The following SLC26A4 variants were observed in gnomAD, a reference collection of about 807,000 sequenced individuals.
The protein encoded by SLC26A4 is pendrin.
Under a neutral mutation model 90.4 loss-of-function variants are expected in SLC26A4, and 93 were observed. The ratio of observed to expected loss-of-function variants is 1.03; its 90% CI spans 0.87 to 1.22. The LOEUF is 1.22. Among genes scored for constraint, SLC26A4 ranks in the 50% most tolerant of loss-of-function variants. The pLI, the probability that SLC26A4 is intolerant of heterozygous loss-of-function variation, is 0.00. For synonymous variants in SLC26A4, 393 were observed against 354.6 expected (o/e 1.11, Z -1.22); for missense variants, 1,127 against 946.2 (o/e 1.19, Z -2.51).
intron 4 of SLC26A4, among the ~76,000 whole-genome samples, chr7:107,673,920 G>A (rs901781256): frequency 6.6e-6 from 1 of 151,940 alleles, no homozygotes; most frequent in Non-Finnish European, 1.5e-5. Flanking sequence ...TGGTAGAGAT[G>A]GGGTTTTACT....
At chr7:107,706,799 A>G (rs1792046182) in intron 18 of SLC26A4, among the ~76,000 whole-genome samples, 1 of 152,216 alleles carries the variant, frequency 6.6e-6, no homozygotes, top group Admixed American at 6.5e-5. Flanking sequence ...AAATAAGAAT[A>G]CTCACAAAGA....
chr7:107,677,608 AT>A (rs770690458), intron 6 of SLC26A4, among the ~76,000 whole-genome samples: 3,721 of 143,016 alleles, frequency 0.026, 112 homozygotes, highest in African/African-American at 0.077. Flanking sequence ...TTAAAAAAGA[AT>A]TTTTTTTTTT....
intron 12 of SLC26A4, 26 bp downstream of exon 12, chr7:107,694,742 T>C: frequency 6.7e-7 from 1 of 1,486,796 alleles, no homozygotes; most frequent in Non-Finnish European, 9.4e-7. Context: ...CCTATATTTA[T>C]CTGAAATAAG....
intron 10 of SLC26A4, chr7:107,692,022 G>A: frequency 7.8e-7 from 1 of 1,289,256 alleles, no homozygotes; most frequent in South Asian, 1.2e-5. Flanking sequence ...AACTGCTGAT[G>A]TCCATTCTCC....
At chr7:107,691,148 C>T (rs1301798706) in intron 10 of SLC26A4, among the ~76,000 whole-genome samples, 1 of 143,858 alleles carries the variant, frequency 7.0e-6, no homozygotes, top group African/African-American at 2.6e-5. Context: ...CACACATGCA[C>T]ACACACATGC....
chr7:107,703,684 T>C (rs1315752200), intron 17 of SLC26A4, among the ~76,000 whole-genome samples: 1 of 152,216 alleles, frequency 6.6e-6, no homozygotes, highest in Non-Finnish European at 1.5e-5. Context: ...ACAGTTATGA[T>C]AGCTAAAGAA....
intron 8 of SLC26A4, among the ~76,000 whole-genome samples, chr7:107,683,960 C>A (rs991853349): frequency 6.6e-6 from 1 of 152,142 alleles, no homozygotes; most frequent in Non-Finnish European, 1.5e-5. Context: ...TAATTATATC[C>A]TCGTACCCAT....
chr7:107,663,574 T>G (rs1216909499), intron 3 of SLC26A4, 139 bp downstream of exon 3: 1 of 893,214 alleles, frequency 1.1e-6, no homozygotes, highest in Non-Finnish European at 1.8e-6. Flanking sequence ...GTGGAGAGAG[T>G]CACCTCTCTT....
chr7:107,700,520 G>A (rs574828515), intron 15 of SLC26A4, among the ~76,000 whole-genome samples: 4 of 152,282 alleles, frequency 2.6e-5, no homozygotes, highest in Non-Finnish European at 4.4e-5. Flanking sequence ...GGCTTTGTGC[G>A]GCAGTTGGCT....
chr7:107,712,052 T>G lies in SLC26A4; in HGVS notation c.2236-487T>G, dbSNP rs796084122. The stretch of plus-strand genomic sequence containing the variant: ...TAAATTACATGCCACCTCTAAACAG[T>G]AGAGCTTTTCTGAATAACCAACTTG... On this transcript the variant is annotated intron_variant, in intron 19 of 20. Coordinates refer to ENST00000644269, the MANE Select transcript of SLC26A4 (RefSeq NM_000441.2). 5.9e-5 allele frequency among the ~76,000 whole-genome samples: 9 copies of G among 152,344 alleles called. No homozygotes were observed. In the South Asian group the frequency reaches 1.9e-3, roughly 32 times the overall value.
intron 6 of SLC26A4, among the ~76,000 whole-genome samples, chr7:107,679,364 A>C (rs554718880): frequency 6.6e-6 from 1 of 152,202 alleles, no homozygotes; most frequent in Non-Finnish European, 1.5e-5. Flanking sequence ...ATTGATCTAT[A>C]CATGTATACA....
chr7:107,715,034 G>A (rs1792303770), intron 20 of SLC26A4, among the ~76,000 whole-genome samples: 1 of 143,704 alleles, frequency 7.0e-6, no homozygotes, highest in South Asian at 2.3e-4. Flanking sequence ...AGACCAGCCT[G>A]ACTAACATGG....
chr7:107,715,761 T>G lies in SLC26A4; in HGVS notation c.*315T>G, dbSNP rs183399653. 1.7e-5 allele frequency: 7 copies of G among 422,480 alleles called. No individual in the cohort carries two copies. The East Asian group carries it at 2.9e-4, about 17-fold the overall frequency. 26.2% of individuals were successfully genotyped at this position (422,480 alleles called of 1,614,324 possible). A position where few individuals can be genotyped will look rare whatever the true frequency, so the allele number is the denominator to read the frequency against. On this transcript the variant is annotated 3_prime_UTR_variant, in exon 21 of 21. Coordinates refer to ENST00000644269, the MANE Select transcript of SLC26A4 (RefSeq NM_000441.2). ...CATATCTCTGTTCAGTTAGAGTGAG[T>G]GCTGACCCAACAGCCTCTGTGGTCA...
Position 107,661,600 on chromosome 7 carries a change from A to G in SLC26A4, c.-3-39A>G. 6.5e-7 allele frequency: 1 copy of G among 1,539,282 alleles called. No homozygotes were observed. Among genetic ancestry groups the G allele is most frequent in the Non-Finnish European group, 8.7e-7 (1 of 1,147,164 alleles). On this transcript the variant is annotated intron_variant, in intron 1 of 20. Coordinates refer to ENST00000644269, the MANE Select transcript of SLC26A4 (RefSeq NM_000441.2). This position sits in a 1 kb window ranked among gnomAD's most constrained non-coding sequence, Gnocchi z 5.1. ...TCTTCCCCTCCGATCGTCCTCGCTTACCGCGTGTCCTCCCTCCTCGCTGTC... is the reference window on the plus strand; with the variant it reads ...TCTTCCCCTCCGATCGTCCTCGCTTGCCGCGTGTCCTCCCTCCTCGCTGTC...
intron 3 of SLC26A4, among the ~76,000 whole-genome samples, chr7:107,663,844 C>T (rs1403113713): frequency 2.6e-5 from 4 of 152,084 alleles, no homozygotes; most frequent in East Asian, 1.9e-4. Context: ...CCACTACGCC[C>T]GGCTAATTTT....
chr7:107,706,613 A>G (rs950761825), intron 18 of SLC26A4, among the ~76,000 whole-genome samples: 1 of 152,222 alleles, frequency 6.6e-6, no homozygotes, highest in African/African-American at 2.4e-5. Context: ...GGAAGGAACG[A>G]CTTTTTATTC....
chr7:107,666,796 G>A (rs1790728060), intron 3 of SLC26A4, among the ~76,000 whole-genome samples: 1 of 152,056 alleles, frequency 6.6e-6, no homozygotes, highest in Non-Finnish European at 1.5e-5. Context: ...AGGTAAGGGA[G>A]GCACTCACTC....
intron 8 of SLC26A4, among the ~76,000 whole-genome samples, chr7:107,686,377 CCTTCCTT>C (rs1791409071): frequency 1.4e-5 from 2 of 138,960 alleles, no homozygotes; most frequent in Non-Finnish European, 3.2e-5. Context: ...CCTTTCCTCC[CCTTCCTT>C]CCTTCCTTCC....
In SLC26A4 at chr7:107,714,473, G is replaced by A. The variant is rs1792286245; in HGVS notation, c.2320-950G>A. On this transcript the variant is annotated intron_variant, in intron 20 of 20. Coordinates refer to ENST00000644269, the MANE Select transcript of SLC26A4 (RefSeq NM_000441.2). ...CTGCATCTTGGCCCACCAGCTTAGT[G>A]AGCCCAGGAAAGTCATTATCGACCT... Among the ~76,000 whole-genome samples the A allele has an allele frequency of 2.0e-5, 3 of 152,260 alleles. No homozygotes were observed. In the South Asian group the frequency reaches 6.2e-4, roughly 32 times the overall value.
Sources: gnomAD v4.1 joint callset for allele counts (sites outside exome capture counted in the v4.1 genomes callset) on GRCh38, gnomAD v4.1.1 for gene constraint, Gnocchi (gnomAD v3.1) non-coding constraint, MANE v1.5 for transcripts, NCBI Gene and HGNC (gene_info 2026-07-23, HGNC 2026-07-21) for gene names.